The following SHTN1 variants were observed in gnomAD, a reference collection of about 807,000 sequenced individuals.
The protein encoded by SHTN1 is shootin 1.
In SHTN1, 42 loss-of-function variants were observed where a neutral mutation model predicts 83.1. The observed-to-expected ratio is 0.51, with a 90% CI of 0.39 to 0.65. The LOEUF is 0.65. SHTN1 is among the 30% of genes least tolerant of loss of function. SHTN1 has a pLI of 0.00. For synonymous variants in SHTN1, 224 were observed against 247.7 expected (o/e 0.90, Z 0.90); for missense variants, 622 against 737.8 (o/e 0.84, Z 1.82).
intron 1 of SHTN1, among the ~76,000 whole-genome samples, chr10:117,057,593 T>C (rs1261592882): frequency 6.6e-6 from 1 of 152,136 alleles, no homozygotes; most frequent in Non-Finnish European, 1.5e-5. Flanking sequence ...GAGCCAGGCA[T>C]TTAGGGGCTA....
intron 11 of SHTN1, 107 bp downstream of exon 11, chr10:116,927,685 G>T: frequency 1.5e-6 from 2 of 1,374,652 alleles, no homozygotes; most frequent in Non-Finnish European, 1.9e-6. Flanking sequence ...AAATTTCCAA[G>T]AGAAGCATCA....
intron 1 of SHTN1, among the ~76,000 whole-genome samples, chr10:117,114,661 G>A (rs1484696994): frequency 6.6e-6 from 1 of 152,152 alleles, no homozygotes; most frequent in Non-Finnish European, 1.5e-5. Context: ...TGGTTGGGTT[G>A]CTCTTCTACA....
intron 1 of SHTN1, among the ~76,000 whole-genome samples, chr10:116,983,355 TGACAAAGGAA>T (rs1851097899): frequency 6.6e-6 from 1 of 152,204 alleles, no homozygotes; most frequent in Non-Finnish European, 1.5e-5. Context: ...TCTGTGTTTA[TGACAAAGGAA>T]GTGTCCTGCA....
At chr10:117,013,910 ATG>A (rs767351166) in intron 2 of SHTN1, among the ~76,000 whole-genome samples, 2 of 152,082 alleles carry the variant, frequency 1.3e-5, no homozygotes, top group African/African-American at 2.4e-5. Context: ...TCTTCCAAAT[ATG>A]TGTGTGTGTA....
intron 1 of SHTN1, among the ~76,000 whole-genome samples, chr10:117,101,487 A>C (rs1774937760): frequency 6.6e-6 from 1 of 152,224 alleles, no homozygotes. Flanking sequence ...ACATTACTGC[A>C]TCTAGGACGT....
intron 16 of SHTN1, chr10:116,900,760 G>C (rs981086380): frequency 4.1e-6 from 4 of 984,668 alleles, no homozygotes; most frequent in Non-Finnish European, 4.8e-6. Flanking sequence ...CTAGTCAAAA[G>C]AAAGGAAACA....
intron 6 of SHTN1, among the ~76,000 whole-genome samples, chr10:116,950,656 C>A (rs185332272): frequency 6.6e-6 from 1 of 152,322 alleles, no homozygotes; most frequent in African/African-American, 2.4e-5. Context: ...AATCCATCAG[C>A]ACCTCCAGAT....
At chr10:117,113,669 C>A (rs1350403753) in intron 1 of SHTN1, among the ~76,000 whole-genome samples, 1 of 152,282 alleles carries the variant, frequency 6.6e-6, no homozygotes, top group Non-Finnish European at 1.5e-5. Flanking sequence ...CTTTGGGAAG[C>A]GGAAGCCAGA....
At chr10:117,051,565 A>T (rs906644730) in intron 1 of SHTN1, among the ~76,000 whole-genome samples, 5 of 152,120 alleles carry the variant, frequency 3.3e-5, no homozygotes, top group African/African-American at 1.2e-4. Context: ...ATTATACATG[A>T]TGATAAAGCA....
chr10:117,126,178 C>T (rs549430772), intron 1 of SHTN1: 1 of 153,062 alleles, frequency 6.5e-6, no homozygotes, highest in East Asian at 1.9e-4. Flanking sequence ...CAGCTGGCGT[C>T]TTAAGGGCCG....
At chr10:116,936,156 G>T (rs1849151608) in intron 9 of SHTN1, among the ~76,000 whole-genome samples, 1 of 151,806 alleles carries the variant, frequency 6.6e-6, no homozygotes, top group African/African-American at 2.4e-5. Flanking sequence ...TTTTTTTTGT[G>T]TCTCTATCTC....
intron 1 of SHTN1, among the ~76,000 whole-genome samples, chr10:116,981,781 G>C (rs749965440): frequency 6.6e-6 from 1 of 152,132 alleles, no homozygotes; most frequent in African/African-American, 2.4e-5. Context: ...GATCTCAGCC[G>C]GGTGCGGTGG....
At chr10:117,093,403 C>T (rs540749492) in intron 1 of SHTN1, among the ~76,000 whole-genome samples, 34 of 152,082 alleles carry the variant, frequency 2.2e-4, no homozygotes, top group Admixed American at 2.0e-3. Context: ...AAAAAAGCCA[C>T]GTATCATGGT....
chr10:116,912,079 A>G (rs1209823081), intron 13 of SHTN1, among the ~76,000 whole-genome samples: 2 of 152,244 alleles, frequency 1.3e-5, no homozygotes, highest in Non-Finnish European at 2.9e-5. Context: ...GAGACAAGCT[A>G]CCCTCTTCTA....
intron 1 of SHTN1, among the ~76,000 whole-genome samples, chr10:116,980,564 C>T (rs569876643): frequency 6.6e-6 from 1 of 151,080 alleles, no homozygotes; most frequent in Non-Finnish European, 1.5e-5. Context: ...AAAAAACCCT[C>T]AGTTTTTCTT....
intron 2 of SHTN1, among the ~76,000 whole-genome samples, chr10:117,015,586 C>T (rs770901673): frequency 6.6e-6 from 1 of 152,198 alleles, no homozygotes; most frequent in Non-Finnish European, 1.5e-5. Context: ...CTGCCTCAGC[C>T]TCCCAAAGTG....
intron 16 of SHTN1, among the ~76,000 whole-genome samples, chr10:116,894,313 T>C (rs565199179): frequency 6.6e-6 from 1 of 152,318 alleles, no homozygotes; most frequent in African/African-American, 2.4e-5. Flanking sequence ...GAACATTTTC[T>C]ATTGAAATTG....
chr10:116,891,993 A>C (rs752223189), intron 16 of SHTN1, among the ~76,000 whole-genome samples: 3 of 152,208 alleles, frequency 2.0e-5, no homozygotes, highest in Non-Finnish European at 4.4e-5. Context: ...AAACAACAGA[A>C]TACTACTATG....
At chr10:117,020,353 G>T (rs904153623) in intron 2 of SHTN1, among the ~76,000 whole-genome samples, 7 of 151,186 alleles carry the variant, frequency 4.6e-5, no homozygotes, top group African/African-American at 1.7e-4. Flanking sequence ...AAAAAAATTA[G>T]CCAGGCATGG....
Sources: allele counts gnomAD v4.1 joint callset (sites outside exome capture counted in the v4.1 genomes callset), GRCh38; gene constraint gnomAD v4.1.1; transcripts MANE v1.5; gene names NCBI Gene and HGNC (gene_info 2026-07-23, HGNC 2026-07-21).